The following AUTS2 variants were observed in gnomAD, a reference collection of about 807,000 sequenced individuals.
AUTS2 encodes the protein autism susceptibility gene 2 protein.
AUTS2 carries 17 observed loss-of-function variants against 112.4 expected under a neutral mutation model. The observed-to-expected ratio is 0.15, with a 90% CI of 0.10 to 0.23. The LOEUF (loss-of-function observed/expected upper bound fraction) is 0.23. Ranked by LOEUF, AUTS2 falls within the 10% of genes least tolerant of loss-of-function variation. The pLI, the probability that AUTS2 is intolerant of heterozygous loss-of-function variation, is 1.00. For missense variants in AUTS2, 1,510 were observed against 1,701.6 expected (o/e 0.89, Z 1.98); for synonymous variants, 751 against 702.7 (o/e 1.07, Z -1.09).
At chr7:69,773,683 C>T (rs1788769757) in intron 1 of AUTS2, among the ~76,000 whole-genome samples, 1 of 152,180 alleles carries the variant, frequency 6.6e-6, no homozygotes, top group Non-Finnish European at 1.5e-5. Flanking sequence ...GCTTCAGTTC[C>T]TCTGCCAGGT....
intron 2 of AUTS2, among the ~76,000 whole-genome samples, chr7:69,913,743 A>G (rs1420296079): frequency 1.3e-5 from 2 of 152,166 alleles, no homozygotes; most frequent in African/African-American, 4.8e-5. Context: ...TTCTCAGGGT[A>G]TTCAGATTGA....
At chr7:69,740,107 C>T (rs1473824228) in intron 1 of AUTS2, among the ~76,000 whole-genome samples, 1 of 152,206 alleles carries the variant, frequency 6.6e-6, no homozygotes, top group African/African-American at 2.4e-5. Flanking sequence ...ACATGACTAG[C>T]TGCCTCTTTG....
chr7:70,473,201 G>A lies in AUTS2; in HGVS notation c.690+37420G>A, dbSNP rs534267764. On this transcript the variant is annotated intron_variant, in intron 5 of 18. Coordinates refer to ENST00000342771, the MANE Select transcript of AUTS2 (RefSeq NM_015570.4). ...TGTGTGAAATGCTTAATATTTGAACGTCTTTAAAATATACTGTACACATAC... is the reference window on the plus strand; with the variant it reads ...TGTGTGAAATGCTTAATATTTGAACATCTTTAAAATATACTGTACACATAC... 8.5e-5 allele frequency among the ~76,000 whole-genome samples: 13 copies of A among 152,270 alleles called. No homozygotes were observed. In the South Asian group the frequency reaches 2.1e-3, roughly 24 times the overall value.
intron 2 of AUTS2, among the ~76,000 whole-genome samples, chr7:70,108,783 C>CA (rs528009205): frequency 0.015 from 1,026 of 68,968 alleles, 132 homozygotes; most frequent in East Asian, 0.034. Context: ...GCCAACATGG[C>CA]AAAAAAAAAA....
intron 2 of AUTS2, among the ~76,000 whole-genome samples, chr7:69,977,973 T>A (rs1374231312): frequency 6.6e-6 from 1 of 152,144 alleles, no homozygotes; most frequent in East Asian, 1.9e-4. Context: ...TAGTTGTACT[T>A]AGTGTGGATA....
intron 4 of AUTS2, among the ~76,000 whole-genome samples, chr7:70,238,006 G>A (rs1289684238): frequency 6.6e-6 from 1 of 152,168 alleles, no homozygotes; most frequent in Non-Finnish European, 1.5e-5. Context: ...GTTGCTGCAA[G>A]TCCCAAAGAG....
At chr7:70,465,660 T>C (rs1797142677) in intron 5 of AUTS2, among the ~76,000 whole-genome samples, 1 of 152,154 alleles carries the variant, frequency 6.6e-6, no homozygotes. Context: ...GCAGTAAACC[T>C]GGGAGGTCAT....
intron 5 of AUTS2, among the ~76,000 whole-genome samples, chr7:70,534,134 G>C (rs1800211177): frequency 6.6e-6 from 1 of 152,168 alleles, no homozygotes; most frequent in African/African-American, 2.4e-5. Flanking sequence ...ACATCGGCAG[G>C]CTTCCAGCAC....
At chr7:69,950,330 C>G (rs956253888) in intron 2 of AUTS2, among the ~76,000 whole-genome samples, 6 of 152,162 alleles carry the variant, frequency 3.9e-5, no homozygotes, top group Middle Eastern at 3.4e-3. Flanking sequence ...TTTGCATGAG[C>G]AAGCAGAAAT....
intron 3 of AUTS2, among the ~76,000 whole-genome samples, chr7:70,120,688 C>T (rs941301388): frequency 6.6e-6 from 1 of 152,096 alleles, no homozygotes; most frequent in African/African-American, 2.4e-5. Flanking sequence ...TCCTCTAACT[C>T]ACTTTCTGTT....
intron 4 of AUTS2, among the ~76,000 whole-genome samples, chr7:70,151,924 G>A (rs910171010): frequency 6.6e-6 from 1 of 152,162 alleles, no homozygotes; most frequent in African/African-American, 2.4e-5. Context: ...TGAATCAGAT[G>A]TTAGAATTAA....
chr7:70,346,536 T>C (rs1438819965), intron 4 of AUTS2, among the ~76,000 whole-genome samples: 2 of 152,066 alleles, frequency 1.3e-5, no homozygotes, highest in Non-Finnish European at 2.9e-5. Context: ...CCACCTTCAG[T>C]GTAAATTTCT....
intron 4 of AUTS2, among the ~76,000 whole-genome samples, chr7:70,222,606 T>TC: frequency 6.6e-6 from 1 of 152,092 alleles, no homozygotes; most frequent in East Asian, 1.9e-4. Flanking sequence ...TAGAGTTTTT[T>TC]TTTTTTTAAG....
intron 6 of AUTS2, among the ~76,000 whole-genome samples, chr7:70,731,820 C>A (rs1259956095): frequency 6.6e-6 from 1 of 151,940 alleles, no homozygotes; most frequent in Non-Finnish European, 1.5e-5. Context: ...CCCCCCCGCA[C>A]AAATAGACAA....
At chr7:70,614,371 C>T (rs1303280967) in intron 5 of AUTS2, among the ~76,000 whole-genome samples, 1 of 152,182 alleles carries the variant, frequency 6.6e-6, no homozygotes, top group Non-Finnish European at 1.5e-5. Flanking sequence ...TGTGGCAGCT[C>T]ATGTGACTTC....
intron 12 of AUTS2, 189 bp downstream of exon 12, chr7:70,774,288 T>A: frequency 1.7e-6 from 1 of 596,132 alleles, no homozygotes; most frequent in Non-Finnish European, 3.0e-6. Context: ...ACTGCGAGCA[T>A]AGGACACAAA....
chr7:69,716,305 A>G (rs1383036987), intron 1 of AUTS2, among the ~76,000 whole-genome samples: 1 of 149,946 alleles, frequency 6.7e-6, no homozygotes, highest in Non-Finnish European at 1.5e-5. Context: ...TCACAATCAC[A>G]TTTTTTTTTC....
chr7:69,948,316 T>C (rs1290981718), intron 2 of AUTS2, among the ~76,000 whole-genome samples: 1 of 152,206 alleles, frequency 6.6e-6, no homozygotes, highest in Non-Finnish European at 1.5e-5. Flanking sequence ...GCTCAAAAGA[T>C]ATTCTTTTAC....
chr7:69,966,200 A>G (rs1218475723), intron 2 of AUTS2, among the ~76,000 whole-genome samples: 2 of 152,200 alleles, frequency 1.3e-5, no homozygotes, highest in Non-Finnish European at 2.9e-5. Flanking sequence ...ATGTGCCTCC[A>G]GTGAAGGATT....
Sources: allele counts gnomAD v4.1 joint callset (sites outside exome capture counted in the v4.1 genomes callset), GRCh38; gene constraint gnomAD v4.1.1; transcripts MANE v1.5; gene names NCBI Gene and HGNC (gene_info 2026-07-23, HGNC 2026-07-21).